The following APOB variants were observed in gnomAD, a reference collection of about 807,000 sequenced individuals.
The protein encoded by APOB is apolipoprotein B.
A neutral mutation model predicts 314.1 loss-of-function variants in APOB; 153 were observed. The observed-to-expected ratio is 0.49, with a 90% confidence interval of 0.43 to 0.56. The LOEUF (loss-of-function observed/expected upper bound fraction) is 0.56. Among genes scored for constraint, APOB ranks in the 20% least tolerant of loss-of-function variants. The probability of loss-of-function intolerance (pLI) is 0.00; values close to 1 mark genes in which losing one functional copy is unlikely to be tolerated. For missense variants in APOB, 5,430 were observed against 5,350.7 expected, an observed-to-expected ratio of 1.01 and a Z score of -0.46; for synonymous variants, 2,087 against 2,036.4, an observed-to-expected ratio of 1.02 and a Z score of -0.67.
At chr2:21,004,482 C>A (rs779330794) in intron 27 of APOB, 30 bp from the exon 28 acceptor site, 1 of 1,613,550 alleles carries the variant, frequency 6.2e-7, no homozygotes, top group Non-Finnish European at 8.5e-7. Flanking sequence ...TGAGCTATCA[C>A]GAAAGGGGTA....
At chr2:21,022,289 G>A (rs191403567) in intron 18 of APOB, among the ~76,000 whole-genome samples, 8 of 152,232 alleles carry the variant, frequency 5.3e-5, no homozygotes, top group Admixed American at 2.0e-4. Flanking sequence ...ATTTTTGAAT[G>A]AACACATGAA....
rs1479545193 is a variant in APOB at position 21,037,973 on chromosome 2, C to G, written c.522G>C (p.Lys174Asn). The change falls in exon 5 of 29, where the codon AAG becomes AAC. Residue 174 changes from lysine (K) to asparagine (N), a missense_variant. Coordinates refer to ENST00000233242, the MANE Select transcript of APOB (RefSeq NM_000384.3). ...AAATCCTCACCAGAAACAACACTTGCTTGGCTTCTTCTGTCTCTGGGGGAA... is the reference window on the plus strand; with the variant it reads ...AAATCCTCACCAGAAACAACACTTGGTTGGCTTCTTCTGTCTCTGGGGGAA... ...LLVPPETEEA[K>N]QVLFLDTVYG... 2 of 1,614,100 alleles carry G rather than the reference C, an allele frequency of 1.2e-6. No individual in the cohort carries two copies. The highest frequency in any genetic ancestry group is 1.7e-6 in the Non-Finnish European group (2 of 1,180,044).
Position 21,009,267 on chromosome 2 carries a change from C to T in APOB, c.7601G>A (p.Arg2534Gln), listed in dbSNP as rs866435648. The change falls in exon 26 of 29, where the codon CGA (arginine) becomes CAA (glutamine). Residue 2534 changes from arginine to glutamine, a missense_variant. Physicochemically the swap from Arg to Gln is conservative, Grantham distance 43. This residue lies in a region of APOB where 3,281 missense variants were observed against 3,171.0 expected (regional missense o/e 1.03). Transcript: ENST00000233242. The part of the protein sequence containing the change: ...YQMDIQQELQ[R>Q]YLSLVGQVYS... ...AACCTGGCCTACCAGAGACAGGTAT[C>T]GTTGAAGTTCCTGCTGAATGTCCAT... The T allele has an allele frequency of 7.4e-6, 12 of 1,614,040 alleles. No homozygotes were observed. The highest frequency in any genetic ancestry group is 2.7e-5 in the African/African-American group (2 of 75,042).
rs573286852 is a variant in APOB at position 21,017,042 on chromosome 2, T to G, written c.3122-393A>C. On this transcript the variant is annotated intron_variant, in intron 20 of 28. Transcript: ENST00000233242. The stretch of plus-strand genomic sequence containing the variant: ...ACAAACAAATAAATAAATAAATAAA[T>G]AAAGAAGCTATGTTTTGGAAGGAAA... Among the ~76,000 whole-genome samples, 32 of 147,062 alleles carry G rather than the reference T, an allele frequency of 2.2e-4. 1 individual carries two copies. In the South Asian group the frequency reaches 4.4e-3, roughly 20 times the overall value.
At chr2:21,023,715 C>A in intron 16 of APOB, 23 bp from the exon 17 acceptor site, 1 of 1,570,206 alleles carries the variant, frequency 6.4e-7, no homozygotes, top group South Asian at 1.2e-5. Context: ...CAAGGGAGAG[C>A]AAATAAAAGT....
intron 26 of APOB, 139 bp from the exon 27 acceptor site, chr2:21,004,814 T>C (rs1465993682): frequency 5.3e-6 from 4 of 753,162 alleles, no homozygotes; most frequent in African/African-American, 1.8e-5. Context: ...CTCACACTTA[T>C]TTTAAAATAA....
rs12713917 is a variant in APOB, at chr2:21,017,754, A to G, written c.3122-1105T>C. On this transcript the variant is annotated intron_variant, in intron 20 of 28. Transcript: ENST00000233242. ...AAGATTCCCGGGCGTCCTTCAATCC[A>G]TAGGCTGGTCCATTTTATATCCTTC... Among the ~76,000 whole-genome samples, 449 of 152,232 alleles carry G rather than the reference A, an allele frequency of 2.9e-3. 1 individual carries two copies. Among genetic ancestry groups the G allele is most frequent in the Non-Finnish European group, 4.3e-3 (290 of 67,994 alleles).
intron 6 of APOB, 104 bp from the exon 7 acceptor site, chr2:21,035,812 T>G (rs1371571496): frequency 1.7e-6 from 2 of 1,174,190 alleles, no homozygotes; most frequent in Non-Finnish European, 2.5e-6. Context: ...TACCACTAGA[T>G]AAACTCAGAG....
chr2:21,015,295 TA>T, intron 22 of APOB, 35 bp from the exon 23 acceptor site: 1 of 1,613,166 alleles, frequency 6.2e-7, no homozygotes, highest in Non-Finnish European at 8.5e-7. Flanking sequence ...TGAATGGTAC[TA>T]GTTCAGCCTG....
chr2:21,028,537 T>C lies in APOB; in HGVS notation c.1619A>G (p.Asp540Gly). Residue 540 changes from aspartate to glycine, a missense_variant and splice_region_variant, in exon 13 of 29, where the codon GAC (aspartate) becomes GGC (glycine). Asp to Gly is a moderately conservative substitution (Grantham distance 94). Around this residue, in one of 3 missense-constraint regions of APOB, gnomAD observed 2,085 missense variants for 2,079.7 expected, o/e 1.00. Coordinates refer to ENST00000233242, the MANE Select transcript of APOB (RefSeq NM_000384.3). ...GAAAGTCTGAAGAAGAACCTCCTGGTCCTGCAGTCAAAAGAGGAGATGGTT... is the reference window on the plus strand; with the variant it reads ...GAAAGTCTGAAGAAGAACCTCCTGGCCCTGCAGTCAAAAGAGGAGATGGTT... The part of the protein sequence containing the change: ...ALRKMEPKDK[D>G]QEVLLQTFLD... The C allele has an allele frequency of 6.2e-7, 1 of 1,608,744 alleles. No individual in the cohort carries two copies. Among genetic ancestry groups the C allele is most frequent in the Non-Finnish European group, 8.5e-7 (1 of 1,177,494 alleles).
Position 21,010,191 on chromosome 2 carries a change from A to G in APOB, c.6677T>C (p.Ile2226Thr). 1.3e-6 allele frequency: 2 copies of G among 1,595,346 alleles called. No homozygotes were observed. Among genetic ancestry groups the G allele is most frequent in the Non-Finnish European group, 1.7e-6 (2 of 1,167,268 alleles). Reference protein sequence around the residue: ...YHIRVNLVKTIHDLHLFIENI... With the variant: ...YHIRVNLVKTTHDLHLFIENI... ...TTCAATAAACAAATGTAGATCATGG[A>G]TTGTTTTTACTAAATTTACACGGAT... Residue 2226 changes from isoleucine to threonine, a missense_variant, in exon 26 of 29, where the codon ATC becomes ACC. This residue lies in a region of APOB where 3,281 missense variants were observed against 3,171.0 expected (regional missense o/e 1.03). Coordinates refer to ENST00000233242, the MANE Select transcript of APOB (RefSeq NM_000384.3).
rs1250868261 is a variant in APOB at position 21,023,616 on chromosome 2, A to G, written c.2513T>C (p.Leu838Pro). Residue 838 changes from leucine (L) to proline (P), a missense_variant, in exon 17 of 29, where the codon CTC (leucine) becomes CCC (proline). Transcript: ENST00000233242. The stretch of plus-strand genomic sequence containing the variant: ...CAACTGTAATCCAGCTCCAGTGGGG[A>G]GTTCAAAGGCATTCTCCATGAAGAT... ...HYIFMENAFE[L>P]PTGAGLQLQI... 3.1e-6 allele frequency: 5 copies of G among 1,614,136 alleles called. No homozygotes were observed. In the South Asian group the frequency reaches 5.5e-5, roughly 18 times the overall value.
intron 12 of APOB, among the ~76,000 whole-genome samples, chr2:21,028,953 T>C (rs761649009): frequency 1.3e-5 from 2 of 152,202 alleles, no homozygotes; most frequent in Non-Finnish European, 2.9e-5. Context: ...GGGGGCCAAG[T>C]TGGCTATCCT....
rs765984252 is a variant in APOB, at chr2:21,006,562, A to C, written c.10306T>G (p.Leu3436Val). The part of the protein sequence containing the change: ...ATTTKAQIPI[L>V]RMNFKQELNG... ...AGTTCTTGCTTGAAATTCATTCTCA[A>C]AATTGGAATTTGGGCTTTTGTGGTT... Residue 3436 changes from leucine to valine, a missense_variant, in exon 26 of 29, where the codon TTG becomes GTG. Coordinates refer to ENST00000233242, the MANE Select transcript of APOB (RefSeq NM_000384.3). 2 of 1,614,082 alleles carry C rather than the reference A, an allele frequency of 1.2e-6. No individual in the cohort carries two copies. Among genetic ancestry groups the C allele is most frequent in the African/African-American group, 2.7e-5 (2 of 75,044 alleles).
In APOB at chr2:21,029,754, T is replaced by A. The variant is rs773934433; in HGVS notation, c.1502A>T (p.Gln501Leu). Residue 501 changes from glutamine to leucine, a missense_variant, in exon 12 of 29, where the codon CAG becomes CTG. By Grantham distance (113) the Gln-to-Leu change is moderately radical (BLOSUM62 -2). This residue lies in a region of APOB where 2,085 missense variants were observed against 2,079.7 expected (regional missense o/e 1.00). Transcript: ENST00000233242. Reference sequence around the variant, plus strand: ...TGAAGACTTGAGTTCTGGAGTTAACTGCTCCATGGTTTGGCCCATATTTCC... The same window carrying A: ...TGAAGACTTGAGTTCTGGAGTTAACAGCTCCATGGTTTGGCCCATATTTCC... The part of the protein sequence containing the change: ...VIGNMGQTME[Q>L]LTPELKSSIL... 1.2e-6 allele frequency: 2 copies of A among 1,614,056 alleles called. No homozygotes were observed. Among genetic ancestry groups the A allele is most frequent in the Non-Finnish European group, 1.7e-6 (2 of 1,180,022 alleles).
At position 21,008,283 on chromosome 2, in the gene APOB, G is replaced by A; in HGVS notation, c.8585C>T (p.Thr2862Ile). The change falls in exon 26 of 29, where the codon ACA (threonine) becomes ATA (isoleucine). Residue 2862 changes from threonine (T) to isoleucine (I), a missense_variant. Physicochemically the swap from Thr to Ile is moderately conservative, Grantham distance 89. Coordinates refer to ENST00000233242, the MANE Select transcript of APOB (RefSeq NM_000384.3). ...ACTAAGCTCCAGTGTATTTTTTTCT[G>A]TGTGTAAACTTGCCACTGTGTTTGA... ...GKSNTVASLH[T>I]EKNTLELSNG... 6.2e-7 allele frequency: 1 copy of A among 1,613,532 alleles called. No individual in the cohort carries two copies. Among genetic ancestry groups the A allele is most frequent in the South Asian group, 1.1e-5 (1 of 91,016 alleles).
At chr2:21,042,181 T>C (rs1457972439) in intron 3 of APOB, among the ~76,000 whole-genome samples, 180 bp downstream of exon 3, 2 of 152,198 alleles carry the variant, frequency 1.3e-5, no homozygotes, top group African/African-American at 2.4e-5. Context: ...ATCTCAGCAA[T>C]GTGGCTGACT....
Position 21,008,381 on chromosome 2 carries a change from C to A in APOB, c.8487G>T (p.Lys2829Asn). Reference protein sequence around the residue: ...INPLALKESVKFSSKYLRTEH... With the variant: ...INPLALKESVNFSSKYLRTEH... ...CCGTTCTCAGGTACTTGCTGGAGAA[C>A]TTCACTGACTCCTTCAGAGCCAGCG... The change falls in exon 26 of 29, where the codon AAG (lysine) becomes AAT (asparagine). Residue 2829 changes from lysine (K) to asparagine (N), a missense_variant. This residue lies in a region of APOB where 3,281 missense variants were observed against 3,171.0 expected (regional missense o/e 1.03). Coordinates refer to ENST00000233242, the MANE Select transcript of APOB (RefSeq NM_000384.3). 2 of 1,614,092 alleles carry A rather than the reference C, an allele frequency of 1.2e-6. No individual in the cohort carries two copies. Among genetic ancestry groups the A allele is most frequent in the South Asian group, 1.1e-5 (1 of 91,076 alleles).
In APOB at chr2:21,005,283, A is replaced by G. The variant is rs772015796; in HGVS notation, c.11585T>C (p.Ile3862Thr). 22 of 1,614,124 alleles carry G rather than the reference A, an allele frequency of 1.4e-5. No individual in the cohort carries two copies. In the Admixed American group the frequency reaches 3.0e-4, roughly 22 times the overall value. The change falls in exon 26 of 29, where the codon ATT (isoleucine) becomes ACT (threonine). Residue 3862 changes from isoleucine (I) to threonine (T), a missense_variant. Coordinates refer to ENST00000233242, the MANE Select transcript of APOB (RefSeq NM_000384.3). The part of the protein sequence containing the change: ...LPTIIVPEQT[I>T]EIPSIKFSVP... Reference sequence around the variant, plus strand: ...AGAGAACTTAATGGAGGGAATCTCAATGGTCTGCTCAGGCACGATGATGGT... The same window carrying G: ...AGAGAACTTAATGGAGGGAATCTCAGTGGTCTGCTCAGGCACGATGATGGT...
Sources: gnomAD v4.1 joint callset for allele counts (sites outside exome capture counted in the v4.1 genomes callset) on GRCh38, gnomAD v4.1.1 for gene constraint, gnomAD v4.1.1 regional missense constraint, MANE v1.5 for transcripts, NCBI Gene and HGNC (gene_info 2026-07-23, HGNC 2026-07-21) for gene names.